BCAS3: variants seen among roughly 807,000 people sequenced by gnomAD.
BCAS3 encodes BCAS4/BCAS3 fusion.
Under a neutral mutation model 116.1 loss-of-function variants are expected in BCAS3, and 53 were observed. That is an observed-to-expected ratio of 0.46 (90% CI 0.37 to 0.57). BCAS3 has a LOEUF of 0.57. Ranked by LOEUF, BCAS3 falls within the 20% of genes least tolerant of loss-of-function variation. The pLI is 0.00. For missense variants in BCAS3, 917 were observed against 1,165.4 expected (o/e 0.79, Z 3.10); for synonymous variants, 391 against 408.2 (o/e 0.96, Z 0.51).
intron 5 of BCAS3, among the ~76,000 whole-genome samples, chr17:60,722,356 T>C (rs2039327876): frequency 1.3e-5 from 2 of 152,144 alleles, no homozygotes; most frequent in Non-Finnish European, 2.9e-5. Context: ...TCACCAGAAT[T>C]ATGTGGAAGT....
intron 14 of BCAS3, among the ~76,000 whole-genome samples, chr17:60,971,149 C>G (rs1164693044): frequency 6.6e-6 from 1 of 152,134 alleles, no homozygotes; most frequent in Non-Finnish European, 1.5e-5. Flanking sequence ...CAATTAGCAA[C>G]TATGATTTGT....
intron 10 of BCAS3, 98 bp from the exon 11 acceptor site, chr17:60,902,522 A>G (rs890767724): frequency 3.1e-6 from 3 of 968,210 alleles, no homozygotes; most frequent in African/African-American, 3.2e-5. Flanking sequence ...ACCCATCACC[A>G]TCACTGTTCA....
intron 23 of BCAS3, among the ~76,000 whole-genome samples, chr17:61,375,486 G>T (rs1483030525): frequency 1.3e-5 from 2 of 151,886 alleles, no homozygotes; most frequent in Non-Finnish European, 2.9e-5. Flanking sequence ...TTCCAATAGG[G>T]ATCATATTAG....
chr17:60,976,549 C>G (rs1351611861), intron 14 of BCAS3, among the ~76,000 whole-genome samples: 4 of 151,708 alleles, frequency 2.6e-5, no homozygotes, highest in Non-Finnish European at 5.9e-5. Context: ...AACATGTGAA[C>G]AAAGGTCTCT....
At chr17:60,767,953 A>G (rs1049716039) in intron 6 of BCAS3, among the ~76,000 whole-genome samples, 3 of 152,106 alleles carry the variant, frequency 2.0e-5, no homozygotes, top group Non-Finnish European at 4.4e-5. Context: ...GGCATGTGCC[A>G]CAGTACCTGG....
intron 22 of BCAS3, among the ~76,000 whole-genome samples, chr17:61,152,221 C>T (rs930311023): frequency 6.6e-6 from 1 of 152,120 alleles, no homozygotes; most frequent in Admixed American, 6.5e-5. Flanking sequence ...GCTGGGGTGG[C>T]CAGCTTTTAT....
At chr17:60,984,968 C>G (rs2063038043) in intron 14 of BCAS3, among the ~76,000 whole-genome samples, 1 of 146,254 alleles carries the variant, frequency 6.8e-6, no homozygotes, top group African/African-American at 2.6e-5. Flanking sequence ...CGAGATTGCA[C>G]CACTGCACTC....
In BCAS3 at chr17:61,196,172, T is replaced by C. The variant is rs2080466794; in HGVS notation, c.2425+111608T>C. Among the ~76,000 whole-genome samples the C allele has an allele frequency of 6.6e-6, 1 of 152,224 alleles. No homozygotes were observed. The highest frequency in any genetic ancestry group is 1.9e-4 in the East Asian group (1 of 5,202). ...TTGCTCTGACCCTATCTGAAATCAG[T>C]GTAGTCTGAACTACTAGAGAGACGT... On this transcript the variant is annotated intron_variant, in intron 22 of 23. Coordinates refer to ENST00000407086, the MANE Select transcript of BCAS3 (RefSeq NM_017679.5). This position sits in a 1 kb window ranked among gnomAD's most constrained non-coding sequence, Gnocchi z 4.7.
chr17:61,167,892 G>A (rs1203128478), intron 22 of BCAS3, among the ~76,000 whole-genome samples: 2 of 152,038 alleles, frequency 1.3e-5, no homozygotes, highest in African/African-American at 4.8e-5. Context: ...TCTCATTTTT[G>A]TTCCCCATGC....
intron 7 of BCAS3, among the ~76,000 whole-genome samples, chr17:60,837,652 C>G (rs574450581): frequency 3.4e-4 from 46 of 136,970 alleles, no homozygotes; most frequent in Admixed American, 1.5e-3. Context: ...TTTCACAATA[C>G]TTTTTTTTTT....
At chr17:60,827,058 T>C (rs1344382531) in intron 7 of BCAS3, among the ~76,000 whole-genome samples, 1 of 152,216 alleles carries the variant, frequency 6.6e-6, no homozygotes, top group African/African-American at 2.4e-5. Flanking sequence ...GATGAAAATA[T>C]AGAATAATGG....
At chr17:61,384,379 G>GC (rs2059747387) in intron 23 of BCAS3, 1 of 152,246 alleles carries the variant, frequency 6.6e-6, no homozygotes, top group Admixed American at 6.5e-5. Context: ...GCTTCTTAAA[G>GC]CCCCCCACTT....
At chr17:61,025,392 C>T (rs1157244126) in intron 16 of BCAS3, among the ~76,000 whole-genome samples, 1 of 151,958 alleles carries the variant, frequency 6.6e-6, no homozygotes, top group Non-Finnish European at 1.5e-5. Flanking sequence ...AATCTCAGAT[C>T]CCAGCCAGAC....
intron 6 of BCAS3, among the ~76,000 whole-genome samples, chr17:60,784,116 A>G (rs2144504266): frequency 6.6e-6 from 1 of 152,246 alleles, no homozygotes; most frequent in African/African-American, 2.4e-5. Flanking sequence ...CATGTACTGT[A>G]TCTAAGTTAA....
At chr17:61,357,282 T>TAAATA (rs1568930893) in intron 22 of BCAS3, among the ~76,000 whole-genome samples, 3 of 143,886 alleles carry the variant, frequency 2.1e-5, no homozygotes, top group African/African-American at 8.0e-5. Context: ...ATTAATTAAA[T>TAAATA]AAATAAATAA....
chr17:61,271,124 C>CTTTT (rs1198682844), intron 22 of BCAS3, among the ~76,000 whole-genome samples: 2 of 107,122 alleles, frequency 1.9e-5, no homozygotes, highest in African/African-American at 3.6e-5. Context: ...AACTTTTATT[C>CTTTT]TTTTTTTTTT....
intron 22 of BCAS3, among the ~76,000 whole-genome samples, chr17:61,165,370 A>G (rs1197151753): frequency 1.3e-5 from 2 of 152,222 alleles, no homozygotes; most frequent in Non-Finnish European, 2.9e-5. Flanking sequence ...GAGGACATTT[A>G]CATTCTTTTT....
intron 11 of BCAS3, among the ~76,000 whole-genome samples, chr17:60,907,214 G>C (rs1196888196): frequency 6.6e-6 from 1 of 152,034 alleles, no homozygotes; most frequent in African/African-American, 2.4e-5. Context: ...TAAAGAATAT[G>C]AGAGTCATGA....
At chr17:61,147,322 C>T (rs895425919) in intron 22 of BCAS3, among the ~76,000 whole-genome samples, 5 of 152,108 alleles carry the variant, frequency 3.3e-5, no homozygotes, top group Admixed American at 6.5e-5. Flanking sequence ...GTAATCCGCC[C>T]GCCTCAGCCT....
Sources: gnomAD v4.1 joint callset for allele counts (sites outside exome capture counted in the v4.1 genomes callset) on GRCh38, gnomAD v4.1.1 for gene constraint, Gnocchi (gnomAD v3.1) non-coding constraint, MANE v1.5 for transcripts, NCBI Gene and HGNC (gene_info 2026-07-23, HGNC 2026-07-21) for gene names.